Variants in MYBPC1 observed in about 807,000 individuals in gnomAD.
MYBPC1 encodes the protein myosin binding protein C1, also known as myosin-binding protein C, slow-type.
A neutral mutation model predicts 147.1 loss-of-function variants in MYBPC1; 52 were observed. The ratio of observed to expected loss-of-function variants is 0.35; its 90% CI spans 0.28 to 0.45. MYBPC1 has a LOEUF of 0.45. Among genes scored for constraint, MYBPC1 ranks in the 20% least tolerant of loss-of-function variants. The probability of loss-of-function intolerance (pLI) is 1.00; values close to 1 mark genes in which losing one functional copy is unlikely to be tolerated. For missense variants in MYBPC1, 1,228 were observed against 1,440.3 expected (o/e 0.85, Z 2.39); for synonymous variants, 477 against 475.9 (o/e 1.00, Z -0.03).
intron 29 of MYBPC1, among the ~76,000 whole-genome samples, chr12:101,681,688 G>A (rs1328643237): frequency 1.2e-4 from 16 of 132,592 alleles, no homozygotes; most frequent in Non-Finnish European, 2.2e-4. Context: ...AGCTCACTGC[G>A]ACCTCTGCCT....
At chr12:101,677,134 T>C (rs899988740) in intron 26 of MYBPC1, 101 bp from the exon 27 acceptor site, 1 of 1,198,144 alleles carries the variant, frequency 8.3e-7, no homozygotes, top group African/African-American at 1.5e-5. Context: ...TTTTTTTCTT[T>C]TTGTTAATAA....
chr12:101,640,717 A>G (rs1891853186), intron 10 of MYBPC1, among the ~76,000 whole-genome samples: 2 of 152,214 alleles, frequency 1.3e-5, no homozygotes. Flanking sequence ...TTCAGATGTC[A>G]TCCTTGCCTA....
At chr12:101,673,144 C>T (rs1263787) in intron 24 of MYBPC1, among the ~76,000 whole-genome samples, 13 of 152,050 alleles carry the variant, frequency 8.5e-5, no homozygotes, top group East Asian at 5.8e-4. Flanking sequence ...AACTGCAGGA[C>T]CTTGGACAAA....
intron 22 of MYBPC1, chr12:101,666,890 T>G (rs878946669): frequency 8.6e-6 from 4 of 462,836 alleles, no homozygotes; most frequent in Non-Finnish European, 1.2e-5. Context: ...ACTCATCACA[T>G]ACATACACAC....
At chr12:101,608,301 C>T (rs1000410001) in intron 1 of MYBPC1, among the ~76,000 whole-genome samples, 1 of 152,168 alleles carries the variant, frequency 6.6e-6, no homozygotes, top group Non-Finnish European at 1.5e-5. Flanking sequence ...CTTAAAATAT[C>T]CCCTTGGGCT....
chr12:101,597,351 G>A (rs965264289), intron 1 of MYBPC1, among the ~76,000 whole-genome samples: 2 of 152,174 alleles, frequency 1.3e-5, no homozygotes, highest in East Asian at 3.9e-4. Flanking sequence ...GGAAGGCCAT[G>A]ACCACTTGCT....
chr12:101,666,637 T>C (rs920578303), intron 22 of MYBPC1: 1 of 1,109,046 alleles, frequency 9.0e-7, no homozygotes, highest in Non-Finnish European at 1.4e-6. Context: ...CAAATCTCTT[T>C]GCACACTTTG....
intron 1 of MYBPC1, among the ~76,000 whole-genome samples, chr12:101,611,830 G>C (rs369167691): frequency 4.6e-5 from 7 of 152,312 alleles, no homozygotes; most frequent in African/African-American, 1.7e-4. Context: ...TGTAATCCCA[G>C]CATTTTGGGA....
the MYBPC1 span, among the ~76,000 whole-genome samples, chr12:101,692,610 T>C: frequency 6.6e-6 from 1 of 152,168 alleles, no homozygotes; most frequent in African/African-American, 2.4e-5. Context: ...AAATAACTCC[T>C]GATGTTTAGA....
intron 18 of MYBPC1, among the ~76,000 whole-genome samples, chr12:101,654,078 A>G (rs1022287335): frequency 2.6e-5 from 4 of 152,058 alleles, no homozygotes; most frequent in African/African-American, 9.7e-5. Context: ...TGGTGGCAGC[A>G]TGCCTCTAAT....
chr12:101,642,517 G>A lies in MYBPC1; in HGVS notation c.764G>A (p.Gly255Glu), dbSNP rs1408912257. The A allele has an allele frequency of 3.7e-6, 6 of 1,613,840 alleles. No individual in the cohort carries two copies. The highest frequency in any genetic ancestry group is 5.1e-6 in the Non-Finnish European group (6 of 1,179,918). Residue 255 changes from glycine to glutamate, a missense_variant, in exon 11 of 32, where the codon GGA becomes GAA. Coordinates refer to ENST00000361466, the MANE Select transcript of MYBPC1 (RefSeq NM_002465.4). Reference sequence around the variant, plus strand: ...TACGAGAAGATCGCCTTCCAGTATGGAATCACCGACCTGCGCGGCATGCTC... The same window carrying A: ...TACGAGAAGATCGCCTTCCAGTATGAAATCACCGACCTGCGCGGCATGCTC... ...SEYEKIAFQY[G>E]ITDLRGMLKR... is the part of the protein sequence containing the mutation.
chr12:101,636,534 T>G, intron 9 of MYBPC1, 138 bp from the exon 10 acceptor site: 1 of 736,330 alleles, frequency 1.4e-6, no homozygotes, highest in Non-Finnish European at 2.5e-6. Flanking sequence ...GTCACTTGTG[T>G]GAAAAGAAAT....
chr12:101,621,063 T>TA (rs1357521376), intron 3 of MYBPC1, among the ~76,000 whole-genome samples: 2 of 152,128 alleles, frequency 1.3e-5, no homozygotes, highest in Admixed American at 1.3e-4. Context: ...GTTTTAAATT[T>TA]AAAAAAATGA....
chr12:101,649,832 T>C (rs760184186), intron 15 of MYBPC1, among the ~76,000 whole-genome samples: 6 of 152,174 alleles, frequency 3.9e-5, no homozygotes, highest in Admixed American at 6.5e-5. Context: ...ATTGAGAAGA[T>C]TGTAAGAGCT....
intron 11 of MYBPC1, among the ~76,000 whole-genome samples, chr12:101,643,093 A>G (rs2136192449): frequency 6.6e-6 from 1 of 152,322 alleles, no homozygotes; most frequent in Non-Finnish European, 1.5e-5. Flanking sequence ...AGAAAGGAAT[A>G]CATTTTACGC....
chr12:101,609,592 G>T (rs1463906370), intron 1 of MYBPC1, among the ~76,000 whole-genome samples: 1 of 152,220 alleles, frequency 6.6e-6, no homozygotes, highest in Admixed American at 6.5e-5. Flanking sequence ...TACTGCTGCA[G>T]ACTCCAAGAG....
chr12:101,595,419 C>T (rs1876815209), intron 1 of MYBPC1, among the ~76,000 whole-genome samples: 1 of 152,110 alleles, frequency 6.6e-6, no homozygotes, highest in Non-Finnish European at 1.5e-5. Context: ...CGTTTTCAAG[C>T]ATATTTTCTT....
intron 10 of MYBPC1, among the ~76,000 whole-genome samples, chr12:101,640,676 T>G (rs977542884): frequency 2.6e-5 from 4 of 152,168 alleles, no homozygotes; most frequent in African/African-American, 9.7e-5. Context: ...GCAAAAAGAC[T>G]TACATGGCAA....
chr12:101,611,146 A>G (rs1204328914), intron 1 of MYBPC1, among the ~76,000 whole-genome samples: 1 of 152,214 alleles, frequency 6.6e-6, no homozygotes, highest in Non-Finnish European at 1.5e-5. Flanking sequence ...ACAGGCCGGT[A>G]TACATTTTCC....
Sources: allele counts gnomAD v4.1 joint callset (sites outside exome capture counted in the v4.1 genomes callset), GRCh38; gene constraint gnomAD v4.1.1; transcripts MANE v1.5; gene names NCBI Gene and HGNC (gene_info 2026-07-23, HGNC 2026-07-21).